Variants in SCAI observed in about 807,000 individuals in gnomAD.
The protein encoded by SCAI is suppressor of cancer cell invasion, also known as protein SCAI.
In SCAI, 24 loss-of-function variants were observed where a neutral mutation model predicts 92.2. The ratio of observed to expected loss-of-function variants is 0.26; its 90% CI spans 0.19 to 0.37. The LOEUF is 0.37. SCAI is among the 10% of genes least tolerant of loss of function. SCAI has a pLI of 1.00. For missense variants in SCAI, 450 were observed against 736.2 expected, an observed-to-expected ratio of 0.61 and a Z score of 4.50; for synonymous variants, 261 against 258.6, an observed-to-expected ratio of 1.01 and a Z score of -0.09.
At chr9:125,069,561 G>A (rs892561031) in intron 2 of SCAI, among the ~76,000 whole-genome samples, 7 of 146,182 alleles carry the variant, frequency 4.8e-5, no homozygotes, top group Non-Finnish European at 7.5e-5. Context: ...CTTGTGATCC[G>A]CCCGCCTCAG....
At chr9:124,974,611 C>T (rs916270290) in intron 15 of SCAI, among the ~76,000 whole-genome samples, 4 of 152,080 alleles carry the variant, frequency 2.6e-5, no homozygotes, top group African/African-American at 9.7e-5. Context: ...ATGGATAAAT[C>T]CAAAACATTT....
At chr9:125,100,457 G>T (rs920931484) in intron 2 of SCAI, among the ~76,000 whole-genome samples, 11 of 152,104 alleles carry the variant, frequency 7.2e-5, no homozygotes, top group African/African-American at 2.7e-4. Context: ...CAAAGCAGAC[G>T]AGTGCCAGCA....
chr9:125,090,433 T>G (rs1834408230), intron 2 of SCAI, among the ~76,000 whole-genome samples: 19 of 133,582 alleles, frequency 1.4e-4, no homozygotes, highest in Middle Eastern at 3.8e-3. Flanking sequence ...GAAGAAAGAG[T>G]AAGGAGCGAT....
intron 9 of SCAI, among the ~76,000 whole-genome samples, chr9:125,013,487 T>C (rs964698357): frequency 8.6e-4 from 131 of 152,232 alleles, no homozygotes; most frequent in African/African-American, 2.8e-3. Flanking sequence ...CAGGAAGAAG[T>C]TGAATCTCTG....
At chr9:125,068,758 T>C (rs753101711) in intron 2 of SCAI, among the ~76,000 whole-genome samples, 10 of 152,190 alleles carry the variant, frequency 6.6e-5, no homozygotes, top group Non-Finnish European at 1.5e-4. Flanking sequence ...AGATTTCAGC[T>C]GTAAAATCAG....
intron 17 of SCAI, among the ~76,000 whole-genome samples, chr9:124,962,260 A>G (rs931589176): frequency 7.3e-5 from 11 of 150,202 alleles, no homozygotes; most frequent in Non-Finnish European, 1.5e-4. Context: ...TCTGGGTTCA[A>G]GCAGTTCTCC....
intron 3 of SCAI, among the ~76,000 whole-genome samples, chr9:125,031,018 A>G (rs375439757): frequency 5.9e-5 from 9 of 152,268 alleles, no homozygotes; most frequent in African/African-American, 2.2e-4. Context: ...CTTCTTCATT[A>G]AAGTCTGTGA....
At chr9:125,073,086 T>C (rs1308937247) in intron 2 of SCAI, among the ~76,000 whole-genome samples, 1 of 141,900 alleles carries the variant, frequency 7.0e-6, no homozygotes, top group Non-Finnish European at 1.5e-5. Flanking sequence ...GAGGATTCTA[T>C]TTTTAATTTT....
At chr9:125,016,401 A>ATAAATAAC (rs1271407950) in intron 9 of SCAI, among the ~76,000 whole-genome samples, 1 of 149,390 alleles carries the variant, frequency 6.7e-6, no homozygotes, top group Admixed American at 6.7e-5. Flanking sequence ...AAATAAATAA[A>ATAAATAAC]TAAATAAATA....
At chr9:125,018,551 C>A (rs936172844) in intron 9 of SCAI, among the ~76,000 whole-genome samples, 11 of 152,156 alleles carry the variant, frequency 7.2e-5, no homozygotes, top group Admixed American at 2.0e-4. Context: ...TGAAATAATT[C>A]TGCTTCCTGG....
chr9:125,103,154 G>A (rs1190122536), intron 2 of SCAI, among the ~76,000 whole-genome samples: 1 of 152,112 alleles, frequency 6.6e-6, no homozygotes, highest in Admixed American at 6.6e-5. Context: ...ATTTTTAAAT[G>A]AACTCCTGAA....
At chr9:125,118,637 C>T (rs1241383270) in intron 2 of SCAI, among the ~76,000 whole-genome samples, 2 of 152,064 alleles carry the variant, frequency 1.3e-5, no homozygotes, top group Admixed American at 1.3e-4. Flanking sequence ...CCTATCAACC[C>T]GTCATTTAGG....
chr9:124,984,740 T>C (rs1282882061), intron 14 of SCAI, among the ~76,000 whole-genome samples: 1 of 152,082 alleles, frequency 6.6e-6, no homozygotes, highest in Admixed American at 6.6e-5. Context: ...ACTAAAGATA[T>C]GGAGTAGGTA....
intron 14 of SCAI, among the ~76,000 whole-genome samples, chr9:124,981,985 A>T (rs538299559): frequency 1.3e-5 from 2 of 151,556 alleles, no homozygotes; most frequent in African/African-American, 2.4e-5. Context: ...ATTCAGATAA[A>T]CTCTTTTGAT....
chr9:125,027,949 T>C (rs1175861457), intron 5 of SCAI, among the ~76,000 whole-genome samples: 2 of 152,220 alleles, frequency 1.3e-5, no homozygotes, highest in Non-Finnish European at 2.9e-5. Flanking sequence ...ACTATATAGA[T>C]GTTAGTGCTC....
chr9:125,072,897 T>G (rs1834004910), intron 2 of SCAI, among the ~76,000 whole-genome samples: 1 of 152,088 alleles, frequency 6.6e-6, no homozygotes, highest in Non-Finnish European at 1.5e-5. Flanking sequence ...TAATACGCCC[T>G]TGTTTTTATA....
intron 9 of SCAI, among the ~76,000 whole-genome samples, chr9:125,015,000 T>A (rs1832723661): frequency 6.6e-6 from 1 of 152,084 alleles, no homozygotes; most frequent in South Asian, 2.1e-4. Flanking sequence ...TGAAACTGGA[T>A]CCCTTCCTTA....
Position 125,142,723 on chromosome 9 carries a change from A to G in SCAI, c.54-46T>C, listed in dbSNP as rs1047139061. On this transcript the variant is annotated intron_variant, in intron 1 of 17. Transcript: ENST00000336505. The stretch of plus-strand genomic sequence containing the variant: ...ACGGTAACTAAAAGTAACATACAAG[A>G]AAACATCTCCCGGCGCTACCGTGCC... 3.3e-6 allele frequency: 5 copies of G among 1,534,214 alleles called. No individual in the cohort carries two copies. The African/African-American group carries it at 6.8e-5, about 21-fold the overall frequency.
At chr9:125,094,581 A>G (rs1032837989) in intron 2 of SCAI, among the ~76,000 whole-genome samples, 2 of 152,172 alleles carry the variant, frequency 1.3e-5, no homozygotes, top group African/African-American at 4.8e-5. Context: ...GGCTCACTGA[A>G]GCCTCGACCT....
Sources: gnomAD v4.1 joint callset for allele counts (sites outside exome capture counted in the v4.1 genomes callset) on GRCh38, gnomAD v4.1.1 for gene constraint, MANE v1.5 for transcripts, NCBI Gene and HGNC (gene_info 2026-07-23, HGNC 2026-07-21) for gene names.